The following UXS1 variants were observed in gnomAD, a reference collection of about 807,000 sequenced individuals.
UXS1 encodes the protein UDP-glucuronic acid decarboxylase 1.
In UXS1, 33 loss-of-function variants were observed where a neutral mutation model predicts 62.6. That is an observed-to-expected ratio of 0.53 (90% CI 0.40 to 0.70). The LOEUF is 0.70. Among genes scored for constraint, UXS1 ranks in the 30% least tolerant of loss-of-function variants. The pLI is 0.00. For missense variants in UXS1, 434 were observed against 556.3 expected (o/e 0.78, Z 2.21); for synonymous variants, 213 against 206.8 (o/e 1.03, Z -0.26).
At chr2:106,189,668 AC>A (rs1684796866) in intron 1 of UXS1, among the ~76,000 whole-genome samples, 1 of 152,236 alleles carries the variant, frequency 6.6e-6, no homozygotes, top group Non-Finnish European at 1.5e-5. Context: ...GCGAGCACTG[AC>A]AACTAGACCC....
chr2:106,110,750 T>C (rs1678521853), intron 10 of UXS1, among the ~76,000 whole-genome samples: 1 of 152,158 alleles, frequency 6.6e-6, no homozygotes, highest in African/African-American at 2.4e-5. Context: ...GACGCAACCA[T>C]GAATGAAACA....
chr2:106,164,306 T>C (rs1184095316), intron 3 of UXS1, among the ~76,000 whole-genome samples: 1 of 152,072 alleles, frequency 6.6e-6, no homozygotes, highest in African/African-American at 2.4e-5. Flanking sequence ...AAATAGGAGG[T>C]GCATAACTGA....
chr2:106,189,576 T>C (rs1448751353), intron 1 of UXS1, among the ~76,000 whole-genome samples: 2 of 152,048 alleles, frequency 1.3e-5, no homozygotes, highest in Non-Finnish European at 1.5e-5. Context: ...ACAACAACCA[T>C]GTGAGGCCAT....
chr2:106,100,217 A>T (rs1348967512), intron 12 of UXS1, among the ~76,000 whole-genome samples: 1 of 152,204 alleles, frequency 6.6e-6, no homozygotes, highest in Non-Finnish European at 1.5e-5. Context: ...GACAGTCCAC[A>T]TTGGAAACCT....
chr2:106,193,642 G>C (rs1198067125), intron 1 of UXS1, among the ~76,000 whole-genome samples: 1 of 152,116 alleles, frequency 6.6e-6, no homozygotes, highest in Non-Finnish European at 1.5e-5. Flanking sequence ...CCCACACTTG[G>C]CTCCCCAAGA....
intron 1 of UXS1, among the ~76,000 whole-genome samples, chr2:106,177,281 T>C (rs527394112): frequency 4.6e-5 from 7 of 151,628 alleles, no homozygotes; most frequent in African/African-American, 1.7e-4. Context: ...CTGTAACCTT[T>C]GCCGCCCGGG....
chr2:106,190,788 G>A (rs1209098163), intron 1 of UXS1, among the ~76,000 whole-genome samples: 2 of 151,510 alleles, frequency 1.3e-5, no homozygotes, highest in Non-Finnish European at 2.9e-5. Flanking sequence ...CTGGGGAGAG[G>A]GAAATGGTGG....
chr2:106,094,590 C>G (rs1373745967), intron 14 of UXS1, among the ~76,000 whole-genome samples: 1 of 152,104 alleles, frequency 6.6e-6, no homozygotes, highest in African/African-American at 2.4e-5. Context: ...ATCTGATCAA[C>G]ACGCCTGATT....
intron 4 of UXS1, among the ~76,000 whole-genome samples, chr2:106,163,121 A>T (rs1187468421): frequency 6.6e-6 from 1 of 152,212 alleles, no homozygotes; most frequent in African/African-American, 2.4e-5. Context: ...ACCTGAGGGC[A>T]ATAGTGTCCC....
At position 106,093,490 on chromosome 2, in the gene UXS1, G is replaced by A. The variant is rs1260252295; in HGVS notation, c.*536C>T. 6.6e-6 allele frequency: 1 copy of A among 150,686 alleles called. No homozygotes were observed. Among genetic ancestry groups the A allele is most frequent in the Admixed American group, 6.7e-5 (1 of 14,974 alleles). The allele number at this position is 150,686 out of a possible 1,614,324, so 9.3% of individuals were successfully genotyped here. On this transcript the variant is annotated 3_prime_UTR_variant, in exon 15 of 15. Coordinates refer to ENST00000283148, the MANE Select transcript of UXS1 (RefSeq NM_001253875.2). Reference sequence around the variant, plus strand: ...TCAAAGTCAAGTTTGCAACTCAAAAGTAGACCTTGGAAAAACTCTGAATTA... The same window carrying A: ...TCAAAGTCAAGTTTGCAACTCAAAAATAGACCTTGGAAAAACTCTGAATTA...
chr2:106,182,317 C>T (rs1354282557), intron 1 of UXS1, among the ~76,000 whole-genome samples: 2 of 152,188 alleles, frequency 1.3e-5, no homozygotes, highest in South Asian at 2.1e-4. Flanking sequence ...ATGCAGCCCG[C>T]GGGCAGTGGC....
intron 6 of UXS1, among the ~76,000 whole-genome samples, chr2:106,142,925 G>GTC (rs773498089): frequency 6.7e-6 from 1 of 148,972 alleles, no homozygotes; most frequent in African/African-American, 2.5e-5. Flanking sequence ...TTGCATGTAT[G>GTC]TGTGTGTGTG....
At chr2:106,123,798 A>G (rs1679716262) in intron 8 of UXS1, among the ~76,000 whole-genome samples, 1 of 152,260 alleles carries the variant, frequency 6.6e-6, no homozygotes, top group Admixed American at 6.5e-5. Flanking sequence ...TATTTAGTAC[A>G]CCAAGAATTT....
At chr2:106,166,121 C>A (rs748555469) in intron 1 of UXS1, 38 bp from the exon 2 acceptor site, 15 of 1,597,112 alleles carry the variant, frequency 9.4e-6, no homozygotes, top group Non-Finnish European at 1.3e-5. Context: ...ATGTTTAAGT[C>A]CACAACTTTC....
At chr2:106,154,262 C>T (rs897841327) in intron 5 of UXS1, among the ~76,000 whole-genome samples, 1 of 152,262 alleles carries the variant, frequency 6.6e-6, no homozygotes, top group South Asian at 2.1e-4. Context: ...TGCACACAGA[C>T]ACATCATTCT....
At chr2:106,150,862 CA>C (rs1318325480) in intron 5 of UXS1, among the ~76,000 whole-genome samples, 2 of 152,228 alleles carry the variant, frequency 1.3e-5, no homozygotes, top group Admixed American at 1.3e-4. Context: ...AACAAAGCCA[CA>C]AGGCTGGGGC....
At chr2:106,116,423 C>T (rs66826026) in intron 9 of UXS1, among the ~76,000 whole-genome samples, 27,501 of 152,148 alleles carry the variant, frequency 0.18, 2,809 homozygotes, top group Non-Finnish European at 0.23. Flanking sequence ...CTCGAGATGG[C>T]CATCTTGACA....
intron 5 of UXS1, among the ~76,000 whole-genome samples, chr2:106,156,806 C>T (rs1371765267): frequency 5.3e-5 from 8 of 152,214 alleles, no homozygotes; most frequent in Non-Finnish European, 1.0e-4. Context: ...CACCTAACTA[C>T]ATTTTCGATT....
intron 9 of UXS1, among the ~76,000 whole-genome samples, chr2:106,115,095 G>A (rs1013581106): frequency 6.6e-6 from 1 of 152,178 alleles, no homozygotes; most frequent in African/African-American, 2.4e-5. Flanking sequence ...ATGTGGGCAG[G>A]CAGGGGGACA....
Sources: allele counts gnomAD v4.1 joint callset (sites outside exome capture counted in the v4.1 genomes callset), GRCh38; gene constraint gnomAD v4.1.1; transcripts MANE v1.5; gene names NCBI Gene and HGNC (gene_info 2026-07-23, HGNC 2026-07-21).